SPTBN1: variants seen among roughly 807,000 people sequenced by gnomAD.
The protein encoded by SPTBN1 is spectrin beta, non-erythrocytic 1.
Under a neutral mutation model 266.4 loss-of-function variants are expected in SPTBN1, and 32 were observed. The observed-to-expected ratio is 0.12, with a 90% CI of 0.09 to 0.16. The LOEUF is 0.16. SPTBN1 is among the 10% of genes least tolerant of loss of function. The pLI is 1.00. For missense variants in SPTBN1, 2,296 were observed against 3,067.1 expected, an observed-to-expected ratio of 0.75 and a Z score of 5.94; for synonymous variants, 1,336 against 1,162.2, an observed-to-expected ratio of 1.15 and a Z score of -3.04.
chr2:54,591,762 G>A (rs375447152), intron 2 of SPTBN1, among the ~76,000 whole-genome samples: 2 of 152,192 alleles, frequency 1.3e-5, no homozygotes, highest in East Asian at 3.8e-4. Context: ...GAAAGATGCC[G>A]TACAATCATT....
intron 2 of SPTBN1, among the ~76,000 whole-genome samples, chr2:54,561,267 C>T (rs1384957050): frequency 6.6e-6 from 1 of 152,174 alleles, no homozygotes; most frequent in East Asian, 1.9e-4. Context: ...ACCTCAGCCT[C>T]CCAAGTAGCT....
intron 4 of SPTBN1, among the ~76,000 whole-genome samples, chr2:54,615,948 CAG>C (rs1677577554): frequency 6.6e-6 from 1 of 152,184 alleles, no homozygotes; most frequent in Non-Finnish European, 1.5e-5. Context: ...TGGGTTGTCT[CAG>C]GGGTAAAAAT....
chr2:54,485,396 T>C (rs938042675), intron 1 of SPTBN1, among the ~76,000 whole-genome samples: 3 of 152,252 alleles, frequency 2.0e-5, no homozygotes, highest in African/African-American at 7.2e-5. Flanking sequence ...TTTCACTGTG[T>C]TGGCCGGGCT....
intron 2 of SPTBN1, among the ~76,000 whole-genome samples, chr2:54,584,212 C>G (rs1010066984): frequency 2.6e-5 from 4 of 152,098 alleles, no homozygotes; most frequent in African/African-American, 9.7e-5. Context: ...GTAGGTTTTC[C>G]TTACTCTTTT....
At position 54,628,810 on chromosome 2, in the gene SPTBN1, AT is replaced by A; in HGVS notation, c.1799-120del. 1 of 1,303,050 alleles carries A rather than the reference AT, an allele frequency of 7.7e-7. No homozygotes were observed. The allele number at this position is 1,303,050 out of a possible 1,614,324, so 80.7% of individuals were successfully genotyped here. A position where few individuals can be genotyped will look rare whatever the true frequency, so the allele number is the denominator to read the frequency against. On this transcript the variant is annotated intron_variant, in intron 13 of 35. Transcript: ENST00000356805. The surrounding 1 kb of genome is among the most constrained non-coding windows in gnomAD (Gnocchi z 4.3). ...CCATTGCCTTATCGCATGGCCCTGC[AT>A]TTACATTTAGCAGTGAGCTGGTAAT...
At chr2:54,642,537 T>TG (rs1679646687) in intron 18 of SPTBN1, among the ~76,000 whole-genome samples, 3 of 144,422 alleles carry the variant, frequency 2.1e-5, no homozygotes, top group Admixed American at 6.8e-5. Flanking sequence ...TAGTTTTTTT[T>TG]TTTTTTTTTT....
intron 2 of SPTBN1, among the ~76,000 whole-genome samples, chr2:54,534,533 C>T (rs1463415857): frequency 6.6e-6 from 1 of 152,234 alleles, no homozygotes; most frequent in Non-Finnish European, 1.5e-5. Context: ...ATTATACCCT[C>T]AATTTATTTT....
chr2:54,457,738 G>A (rs1693136221), intron 1 of SPTBN1, among the ~76,000 whole-genome samples: 2 of 152,242 alleles, frequency 1.3e-5, no homozygotes, highest in South Asian at 4.1e-4. Context: ...GCCGAGGCCT[G>A]GAGCTGCTGC....
chr2:54,651,494 A>G (rs765128519), intron 26 of SPTBN1, among the ~76,000 whole-genome samples: 1 of 152,216 alleles, frequency 6.6e-6, no homozygotes, highest in Non-Finnish European at 1.5e-5. Flanking sequence ...CCAGGAGTAC[A>G]TGGTGCTTCT....
At chr2:54,614,506 A>C (rs1677450886) in intron 4 of SPTBN1, among the ~76,000 whole-genome samples, 1 of 152,138 alleles carries the variant, frequency 6.6e-6, no homozygotes. Flanking sequence ...CTGCCCCTTT[A>C]AAAGAGAGTA....
rs963703710 is a variant in SPTBN1, at chr2:54,456,515, G to A, written c.-51G>A. On this transcript the variant is annotated 5_prime_UTR_variant, in exon 1 of 36. Coordinates refer to ENST00000356805, the MANE Select transcript of SPTBN1 (RefSeq NM_003128.3). Reference sequence around the variant, plus strand: ...CCCCGGCGCCCCCACCCCATCCCCGGGAGGTAGGTAGGGGGCCCGAGGCAG... The same window carrying A: ...CCCCGGCGCCCCCACCCCATCCCCGAGAGGTAGGTAGGGGGCCCGAGGCAG... The A allele has an allele frequency of 3.2e-4, 48 of 151,934 alleles. No homozygotes were observed. The highest frequency in any genetic ancestry group is 1.1e-3 in the African/African-American group (46 of 41,486). The allele number at this position is 151,934 out of a possible 1,614,324, so 9.4% of individuals were successfully genotyped here.
chr2:54,655,775 C>T, intron 28 of SPTBN1, 139 bp from the exon 29 acceptor site: 4 of 604,006 alleles, frequency 6.6e-6, no homozygotes, highest in Non-Finnish European at 1.2e-5. Context: ...AGTCCTCAGA[C>T]AGACTGAGCA....
At chr2:54,463,658 A>C (rs1693483908) in intron 1 of SPTBN1, among the ~76,000 whole-genome samples, 1 of 152,234 alleles carries the variant, frequency 6.6e-6, no homozygotes. Flanking sequence ...TATCACAATA[A>C]ATTTTAATGA....
intron 17 of SPTBN1, among the ~76,000 whole-genome samples, chr2:54,636,668 G>T (rs1679164283): frequency 6.6e-6 from 1 of 152,202 alleles, no homozygotes; most frequent in Non-Finnish European, 1.5e-5. Context: ...CCTGCCTCAG[G>T]GTTTGGTGGA....
Position 54,540,520 on chromosome 2 carries a change from C to G in SPTBN1, c.148+13954C>G, listed in dbSNP as rs540067381. On this transcript the variant is annotated intron_variant, in intron 2 of 35. Transcript: ENST00000356805. The surrounding 1 kb of genome is among the most constrained non-coding windows in gnomAD (Gnocchi z 5.6). ...CCCTTTTTGGTTAAAAGAACTAAAG[C>G]TAAAGATTTCTTTAGTTTTCTCTTC... 2 of 152,310 alleles carry G rather than the reference C, an allele frequency of 1.3e-5. No individual in the cohort carries two copies. Among genetic ancestry groups the G allele is most frequent in the East Asian group, 3.9e-4 (2 of 5,190 alleles). 9.4% of individuals were successfully genotyped at this position (152,310 alleles called of 1,614,324 possible).
chr2:54,621,301 C>A, intron 7 of SPTBN1, 99 bp from the exon 8 acceptor site: 1 of 770,404 alleles, frequency 1.3e-6, no homozygotes, highest in Non-Finnish European at 2.2e-6. Context: ...AGACGCTGAA[C>A]TGTTCCATGT....
chr2:54,578,949 C>T (rs187489746), intron 2 of SPTBN1, among the ~76,000 whole-genome samples: 3 of 152,214 alleles, frequency 2.0e-5, no homozygotes, highest in Non-Finnish European at 4.4e-5. Flanking sequence ...CCTAACACTG[C>T]TAGACTGAAA....
At position 54,642,936 on chromosome 2, in the gene SPTBN1, C is replaced by T. The variant is rs7558853; in HGVS notation, c.3859-47C>T. 1.0e-3 allele frequency: 1,616 copies of T among 1,584,446 alleles called. 23 individuals carry two copies. In the African/African-American group the frequency reaches 0.02, roughly 20 times the overall value. Reference sequence around the variant, plus strand: ...CAACCCTTTCCAGGCGGAAAAAAGGCTGATGTCTAGGATCACAATCTCTGA... The same window carrying T: ...CAACCCTTTCCAGGCGGAAAAAAGGTTGATGTCTAGGATCACAATCTCTGA... On this transcript the variant is annotated intron_variant, in intron 18 of 35. Coordinates refer to ENST00000356805, the MANE Select transcript of SPTBN1 (RefSeq NM_003128.3).
At position 54,653,455 on chromosome 2, in the gene SPTBN1, T is replaced by C. The variant is rs1180112441; in HGVS notation, c.5578-154T>C. 11 of 1,226,316 alleles carry C rather than the reference T, an allele frequency of 9.0e-6. No individual in the cohort carries two copies. The highest frequency in any genetic ancestry group is 2.6e-5 in the Admixed American group (1 of 37,836). The allele number at this position is 1,226,316 out of a possible 1,614,324, so 76.0% of individuals were successfully genotyped here. Reference sequence around the variant, plus strand: ...AGAAAACGGGTTTTTGTGACTTGGATCTCCCCAGTGAAATTGAGGGCTCCT... The same window carrying C: ...AGAAAACGGGTTTTTGTGACTTGGACCTCCCCAGTGAAATTGAGGGCTCCT... On this transcript the variant is annotated intron_variant, in intron 26 of 35. Coordinates refer to ENST00000356805, the MANE Select transcript of SPTBN1 (RefSeq NM_003128.3). This position sits in a 1 kb window ranked among gnomAD's most constrained non-coding sequence, Gnocchi z 5.1.
Sources: gnomAD v4.1 joint callset for allele counts (sites outside exome capture counted in the v4.1 genomes callset) on GRCh38, gnomAD v4.1.1 for gene constraint, Gnocchi (gnomAD v3.1) non-coding constraint, MANE v1.5 for transcripts, NCBI Gene and HGNC (gene_info 2026-07-23, HGNC 2026-07-21) for gene names.